The following NME7 variants were observed in gnomAD, a reference collection of about 807,000 sequenced individuals.
NME7 encodes nucleoside diphosphate kinase 7.
A neutral mutation model predicts 49.1 loss-of-function variants in NME7; 41 were observed. The observed-to-expected ratio is 0.83, with a 90% CI of 0.65 to 1.08. The LOEUF (loss-of-function observed/expected upper bound fraction) is 1.08. Ranked by LOEUF, NME7 falls within the 50% of genes least tolerant of loss-of-function variation. The pLI is 0.00. For missense variants in NME7, 423 were observed against 463.4 expected, an observed-to-expected ratio of 0.91 and a Z score of 0.80; for synonymous variants, 139 against 150.6, an observed-to-expected ratio of 0.92 and a Z score of 0.56.
chr1:169,166,175 A>G (rs940268797), intron 11 of NME7, among the ~76,000 whole-genome samples: 8 of 152,144 alleles, frequency 5.3e-5, no homozygotes, highest in Non-Finnish European at 1.0e-4. Flanking sequence ...GGTTAATAAC[A>G]TTTCAGTCTC....
rs1030245482 is a variant in NME7 at position 169,264,067 on chromosome 1, C to T, written c.754+23236G>A. On this transcript the variant is annotated intron_variant, in intron 7 of 11. Coordinates refer to ENST00000367811, the MANE Select transcript of NME7 (RefSeq NM_013330.5). ...AAAATGCTGAGGGAATTCATTAATG[C>T]TAGACCTGCCTTATAAGAGCTCCTG... Among the ~76,000 whole-genome samples, 4 of 133,364 alleles carry T rather than the reference C, an allele frequency of 3.0e-5. 2 individuals carry two copies. The highest frequency in any genetic ancestry group is 1.0e-4 in the African/African-American group (4 of 39,416). 87.5% of individuals were successfully genotyped at this position (133,364 alleles called of 152,430 possible).
At chr1:169,154,099 G>A (rs1397500479) in intron 11 of NME7, among the ~76,000 whole-genome samples, 1 of 151,996 alleles carries the variant, frequency 6.6e-6, no homozygotes, top group Non-Finnish European at 1.5e-5. Flanking sequence ...TGGCAACTTT[G>A]ACCTCCCAGG....
intron 11 of NME7, among the ~76,000 whole-genome samples, chr1:169,133,737 A>G (rs1383728404): frequency 3.3e-5 from 5 of 152,186 alleles, no homozygotes; most frequent in Non-Finnish European, 5.9e-5. Context: ...ACATACCTAC[A>G]TGAAACTGAG....
chr1:169,136,213 C>T (rs1176942586), intron 11 of NME7, among the ~76,000 whole-genome samples: 5 of 152,158 alleles, frequency 3.3e-5, no homozygotes, highest in Non-Finnish European at 7.3e-5. Flanking sequence ...AGGATCCTTT[C>T]CTTTTGATAA....
At chr1:169,182,578 G>T (rs1324827224) in intron 10 of NME7, among the ~76,000 whole-genome samples, 1 of 152,080 alleles carries the variant, frequency 6.6e-6, no homozygotes, top group Non-Finnish European at 1.5e-5. Context: ...TACTATCACA[G>T]TTCACCTTCA....
chr1:169,302,318 A>C (rs1310167333), intron 5 of NME7: 1 of 152,156 alleles, frequency 6.6e-6, no homozygotes, highest in Non-Finnish European at 1.5e-5. Context: ...TGTTCATTGC[A>C]GCACTATACA....
intron 10 of NME7, among the ~76,000 whole-genome samples, chr1:169,225,999 TAA>T (rs1647324875): frequency 6.6e-6 from 1 of 152,162 alleles, no homozygotes; most frequent in Admixed American, 6.5e-5. Context: ...ATTTAAATAA[TAA>T]GTTAGTACCA....
At chr1:169,151,158 CA>C (rs5778603) in intron 11 of NME7, among the ~76,000 whole-genome samples, 59,856 of 151,774 alleles carry the variant, frequency 0.39, 12,143 homozygotes, top group East Asian at 0.73. Context: ...AGAGGGGGCC[CA>C]GGCTGATGCC....
intron 11 of NME7, chr1:169,168,997 G>A: frequency 2.3e-6 from 1 of 434,940 alleles, no homozygotes; most frequent in South Asian, 1.7e-5. Flanking sequence ...AATTTATGGT[G>A]ATGGTATAGT....
chr1:169,367,295 G>C (rs947881685), intron 1 of NME7, among the ~76,000 whole-genome samples: 11 of 152,156 alleles, frequency 7.2e-5, no homozygotes, highest in African/African-American at 2.4e-4. Context: ...ACTCAGAAAA[G>C]CAAAAAGACT....
intron 7 of NME7, among the ~76,000 whole-genome samples, chr1:169,256,822 C>A (rs1461221492): frequency 7.6e-6 from 1 of 131,362 alleles, no homozygotes; most frequent in Non-Finnish European, 1.8e-5. Context: ...AATACCCTGC[C>A]GTGTGAGGTG....
intron 11 of NME7, among the ~76,000 whole-genome samples, chr1:169,154,945 A>G (rs1659023047): frequency 6.6e-6 from 1 of 152,048 alleles, no homozygotes; most frequent in South Asian, 2.1e-4. Flanking sequence ...TTATTTTTAA[A>G]ATATGTTTTT....
chr1:169,329,193 TCTGATCTAA>T (rs1484384464), intron 1 of NME7, among the ~76,000 whole-genome samples: 2 of 150,738 alleles, frequency 1.3e-5, no homozygotes, highest in African/African-American at 4.9e-5. Context: ...AAAAAAAAAA[TCTGATCTAA>T]TTTTTTTCAC....
chr1:169,353,316 G>C (rs902396222), intron 1 of NME7, among the ~76,000 whole-genome samples: 6 of 151,996 alleles, frequency 3.9e-5, no homozygotes, highest in African/African-American at 1.4e-4. Flanking sequence ...TCAATAAATG[G>C]TACTGGAAAA....
chr1:169,326,722 A>G (rs766271593), intron 1 of NME7, among the ~76,000 whole-genome samples: 5 of 152,178 alleles, frequency 3.3e-5, no homozygotes, highest in Non-Finnish European at 5.9e-5. Flanking sequence ...TTACAGTAAA[A>G]ACTGTGTTTA....
intron 11 of NME7, among the ~76,000 whole-genome samples, chr1:169,148,690 G>C (rs2101818676): frequency 6.6e-6 from 1 of 152,324 alleles, no homozygotes; most frequent in Middle Eastern, 3.4e-3. Context: ...TCAAACTGCA[G>C]AGAGCAAAGC....
At chr1:169,297,298 G>A (rs533704015) in intron 6 of NME7, among the ~76,000 whole-genome samples, 75 of 152,184 alleles carry the variant, frequency 4.9e-4, no homozygotes, top group African/African-American at 1.8e-3. Context: ...TAATGCAACA[G>A]CCAGAATGAT....
intron 11 of NME7, among the ~76,000 whole-genome samples, chr1:169,133,812 G>A (rs1658336228): frequency 6.6e-6 from 1 of 152,196 alleles, no homozygotes; most frequent in South Asian, 2.1e-4. Context: ...AGCTCATTTT[G>A]TAAGGTGTAT....
At chr1:169,241,308 T>G (rs1002611001) in intron 7 of NME7, among the ~76,000 whole-genome samples, 2 of 151,176 alleles carry the variant, frequency 1.3e-5, no homozygotes, top group African/African-American at 4.9e-5. Flanking sequence ...TTGGTGCCAC[T>G]GCCTTGATTC....
Sources: gnomAD v4.1 joint callset for allele counts (sites outside exome capture counted in the v4.1 genomes callset) on GRCh38, gnomAD v4.1.1 for gene constraint, MANE v1.5 for transcripts, NCBI Gene and HGNC (gene_info 2026-07-23, HGNC 2026-07-21) for gene names.